The following ESRRG variants were observed in gnomAD, a reference collection of about 807,000 sequenced individuals.
The protein encoded by ESRRG is estrogen related receptor gamma, also known as estrogen-related receptor gamma.
ESRRG carries 13 observed loss-of-function variants against 44.0 expected under a neutral mutation model. That is an observed-to-expected ratio of 0.30 (90% CI 0.19 to 0.47). The LOEUF (loss-of-function observed/expected upper bound fraction) is 0.47, where lower values mean the gene tolerates loss of function less well. ESRRG is among the 20% of genes least tolerant of loss of function. ESRRG has a pLI of 1.00. For synonymous variants in ESRRG, 215 were observed against 214.6 expected (o/e 1.00, Z -0.02); for missense variants, 395 against 580.6 (o/e 0.68, Z 3.29).
intron 2 of ESRRG, among the ~76,000 whole-genome samples, chr1:216,912,532 T>A (rs1269365995): frequency 1.3e-5 from 2 of 152,204 alleles, no homozygotes; most frequent in Non-Finnish European, 2.9e-5. Context: ...ATATCTTCAC[T>A]CAAGTCAGTC....
intron 1 of ESRRG, among the ~76,000 whole-genome samples, chr1:217,094,655 G>A (rs558931686): frequency 6.6e-6 from 1 of 152,378 alleles, no homozygotes; most frequent in Non-Finnish European, 1.5e-5. Context: ...AGTTAGCAGA[G>A]CATGTGGAGA....
At chr1:216,740,907 C>CAT (rs35741157) in intron 2 of ESRRG, among the ~76,000 whole-genome samples, 1 of 150,958 alleles carries the variant, frequency 6.6e-6, no homozygotes, top group Non-Finnish European at 1.5e-5. Flanking sequence ...ATTATATATA[C>CAT]ATATTGACAT....
At chr1:216,585,461 G>A (rs1176583162) in intron 3 of ESRRG, among the ~76,000 whole-genome samples, 1 of 151,452 alleles carries the variant, frequency 6.6e-6, no homozygotes, top group African/African-American at 2.4e-5. Context: ...AATTTCTCTT[G>A]AAATCAAAAA....
intron 1 of ESRRG, among the ~76,000 whole-genome samples, chr1:217,120,163 C>T (rs761077828): frequency 2.6e-5 from 4 of 152,184 alleles, no homozygotes; most frequent in Non-Finnish European, 5.9e-5. Flanking sequence ...TCTCTCCAAA[C>T]TAATTTTCTT....
At chr1:216,770,206 C>G (rs986390250) in intron 2 of ESRRG, among the ~76,000 whole-genome samples, 1 of 151,932 alleles carries the variant, frequency 6.6e-6, no homozygotes, top group Admixed American at 6.6e-5. Flanking sequence ...TTCAAGGGTG[C>G]ACATCACTTA....
intron 1 of ESRRG, among the ~76,000 whole-genome samples, chr1:217,031,787 T>A (rs1210012304): frequency 6.6e-6 from 1 of 152,230 alleles, no homozygotes; most frequent in Non-Finnish European, 1.5e-5. Context: ...GGCTTCCCGC[T>A]TTGCTCAGCT....
At chr1:217,076,284 C>T (rs895871867) in intron 1 of ESRRG, among the ~76,000 whole-genome samples, 12 of 152,176 alleles carry the variant, frequency 7.9e-5, no homozygotes, top group South Asian at 2.1e-4. Flanking sequence ...GATAAAGACA[C>T]GGCTATGCTT....
At chr1:216,949,514 C>G (rs185931358) in intron 1 of ESRRG, among the ~76,000 whole-genome samples, 1 of 152,232 alleles carries the variant, frequency 6.6e-6, no homozygotes, top group Admixed American at 6.5e-5. Flanking sequence ...TCATTTTTAA[C>G]AAGATTAATA....
At chr1:216,707,088 T>C (rs1335801444) in intron 1 of ESRRG, among the ~76,000 whole-genome samples, 2 of 152,220 alleles carry the variant, frequency 1.3e-5, no homozygotes, top group African/African-American at 4.8e-5. Flanking sequence ...TACTTTTCAA[T>C]AGTCATTTAC....
intron 3 of ESRRG, among the ~76,000 whole-genome samples, chr1:216,650,723 C>CACT (rs11572711): frequency 0.016 from 2,433 of 152,206 alleles, 32 homozygotes; most frequent in Non-Finnish European, 0.024. Context: ...AAGATAAAAG[C>CACT]ACTACGGTCA....
chr1:216,825,222 C>A (rs1009744111), intron 2 of ESRRG, among the ~76,000 whole-genome samples: 77 of 152,194 alleles, frequency 5.1e-4, no homozygotes, highest in Non-Finnish European at 7.6e-4. Flanking sequence ...ACAAGTCCTT[C>A]TTCCACAACC....
intron 1 of ESRRG, among the ~76,000 whole-genome samples, chr1:217,084,259 A>C (rs1026276746): frequency 6.6e-6 from 1 of 152,210 alleles, no homozygotes; most frequent in African/African-American, 2.4e-5. Context: ...AAGAAAGTGC[A>C]ATAAATATTC....
intron 1 of ESRRG, among the ~76,000 whole-genome samples, chr1:216,975,667 T>A (rs2072726886): frequency 6.6e-6 from 1 of 152,190 alleles, no homozygotes; most frequent in African/African-American, 2.4e-5. Context: ...ATCTCTACTT[T>A]TAAGTCTTGA....
intron 5 of ESRRG, among the ~76,000 whole-genome samples, chr1:216,521,483 G>A (rs899908954): frequency 1.3e-5 from 2 of 151,912 alleles, no homozygotes; most frequent in Non-Finnish European, 2.9e-5. Context: ...AAAGTTAGGA[G>A]CAAAAATGAA....
intron 2 of ESRRG, among the ~76,000 whole-genome samples, chr1:216,822,259 C>A (rs1192007966): frequency 6.6e-6 from 1 of 152,178 alleles, no homozygotes; most frequent in African/African-American, 2.4e-5. Context: ...TTGCAAAATG[C>A]GATTTCATTA....
rs182753311 is a variant in ESRRG, at chr1:216,867,243, T to C, written c.-14+72339A>G. Among the ~76,000 whole-genome samples the C allele has an allele frequency of 3.4e-4, 52 of 152,312 alleles. No individual in the cohort carries two copies. In the Middle Eastern group the frequency reaches 0.01, roughly 30 times the overall value. The stretch of plus-strand genomic sequence containing the variant: ...AACTGTAAGTGTGCACAGAAAATAA[T>C]TGAGAGGGAGATATAATTTAATTCA... On this transcript the variant is annotated intron_variant, in intron 2 of 7. Coordinates refer to the ESRRG transcript ENST00000359162.
At chr1:217,015,994 G>T (rs1407961174) in intron 1 of ESRRG, among the ~76,000 whole-genome samples, 1 of 152,082 alleles carries the variant, frequency 6.6e-6, no homozygotes, top group Non-Finnish European at 1.5e-5. Context: ...GATTTAAAGT[G>T]AGAAAGAAAT....
intron 1 of ESRRG, among the ~76,000 whole-genome samples, chr1:216,965,915 T>G (rs1029013733): frequency 1.3e-5 from 2 of 152,188 alleles, no homozygotes; most frequent in African/African-American, 2.4e-5. Context: ...CAAAGCTCAA[T>G]GTACTAACAA....
intron 1 of ESRRG, among the ~76,000 whole-genome samples, chr1:217,076,579 C>T (rs2091317855): frequency 6.6e-6 from 1 of 152,194 alleles, no homozygotes; most frequent in Non-Finnish European, 1.5e-5. Flanking sequence ...GGACACAGCA[C>T]TTCTCACAGT....
Sources: allele counts gnomAD v4.1 joint callset (sites outside exome capture counted in the v4.1 genomes callset), GRCh38; gene constraint gnomAD v4.1.1; transcripts MANE v1.5; gene names NCBI Gene and HGNC (gene_info 2026-07-23, HGNC 2026-07-21).